The following DLK2 variants were observed in gnomAD, a reference collection of about 807,000 sequenced individuals.
DLK2 encodes delta like non-canonical Notch ligand 2.
DLK2 carries 9 observed loss-of-function variants against 31.3 expected under a neutral mutation model. The ratio of observed to expected loss-of-function variants is 0.29; its 90% CI spans 0.17 to 0.50. The LOEUF (loss-of-function observed/expected upper bound fraction) is 0.50, where lower values mean the gene tolerates loss of function less well. DLK2 is among the 20% of genes least tolerant of loss of function. The pLI is 0.98. For missense variants in DLK2, 387 were observed against 526.1 expected, an observed-to-expected ratio of 0.74 and a Z score of 2.59; for synonymous variants, 169 against 201.2, an observed-to-expected ratio of 0.84 and a Z score of 1.35.
At chr6:43,452,888 A>G in intron 4 of DLK2, 117 bp downstream of exon 4, 1 of 1,434,540 alleles carries the variant, frequency 7.0e-7, no homozygotes, top group South Asian at 1.3e-5. Context: ...AAAAAATGAT[A>G]AAATACCATG....
rs1216103416 is a variant in DLK2 at position 43,455,189 on chromosome 6, G to C, written c.-56+206C>G. 8.0e-6 allele frequency: 6 copies of C among 746,158 alleles called. No homozygotes were observed. In the African/African-American group the frequency reaches 9.5e-5, roughly 12 times the overall value. The allele number at this position is 746,158 out of a possible 1,614,324, so 46.2% of individuals were successfully genotyped here. ...GTCCGCGGGATGGGGACAGCGCCGA[G>C]AGGCGGCCTCGAGCACGGAGGGGAC... On this transcript the variant is annotated intron_variant, in intron 1 of 5. Transcript: ENST00000372488.
In DLK2 at chr6:43,450,853, G is replaced by T. The variant is rs201087688; in HGVS notation, c.838C>A (p.His280Asn). 2.2e-4 allele frequency: 349 copies of T among 1,614,142 alleles called. 1 individual carries two copies. The East Asian group carries it at 6.5e-3, about 30-fold the overall frequency. ...CGCAGCAGACCAGCCCCTGCGCTGTGGGGGGCTGGCCCCGTGGCAGGTACC... is the reference window on the plus strand; with the variant it reads ...CGCAGCAGACCAGCCCCTGCGCTGTTGGGGGCTGGCCCCGTGGCAGGTACC... ...VVVPATGPAP[H>N]SAGAGLLRIS... The change falls in exon 6 of 6, where the codon CAC becomes AAC. Residue 280 changes from histidine to asparagine, a missense_variant. Physicochemically the swap from His to Asn is moderately conservative, Grantham distance 68. Transcript: ENST00000372488. The surrounding 1 kb of genome is among the most constrained non-coding windows in gnomAD (Gnocchi z 4.5).
rs1194880482 is a variant in DLK2 at position 43,451,482 on chromosome 6, C to T, written c.417-208G>A. On this transcript the variant is annotated intron_variant, in intron 5 of 5. Transcript: ENST00000372488. This position sits in a 1 kb window ranked among gnomAD's most constrained non-coding sequence, Gnocchi z 4.4. The stretch of plus-strand genomic sequence containing the variant: ...GAAATAATCAATGTCAAGCCATTAG[C>T]ACAGGGCCCAGCCAGAAGGCAGGGC... Among the ~76,000 whole-genome samples, 2 of 152,198 alleles carry T rather than the reference C, an allele frequency of 1.3e-5. No homozygotes were observed. The highest frequency in any genetic ancestry group is 2.9e-5 in the Non-Finnish European group (2 of 68,036).
chr6:43,453,042 G>A lies in DLK2; in HGVS notation c.234C>T (p.Ile78=), dbSNP rs1783834542. ...HGTCHQPWQC[I]CHSGWAGKFC... ...ACTTGCCTGCCCAGCCACTGTGGCA[G>A]ATGCACTGCCATGGCTGGTGGCAGG... The change falls in exon 4 of 6, where the codon ATC becomes ATT. Residue 78 remains isoleucine, a synonymous_variant. Transcript: ENST00000372488. This position sits in a 1 kb window ranked among gnomAD's most constrained non-coding sequence, Gnocchi z 4.1. 1 of 1,614,170 alleles carries A rather than the reference G, an allele frequency of 6.2e-7. No individual in the cohort carries two copies. The highest frequency in any genetic ancestry group is 1.3e-5 in the African/African-American group (1 of 75,052).
rs1160418858 is a variant in DLK2, at chr6:43,453,988, C to A, written c.140+423G>T. On this transcript the variant is annotated intron_variant, in intron 3 of 5. Coordinates refer to ENST00000372488, the MANE Select transcript of DLK2 (RefSeq NM_023932.4). The surrounding 1 kb of genome is among the most constrained non-coding windows in gnomAD (Gnocchi z 4.1). ...CCTCCTGCTACAGAATTTGCCCAATCTCCCAGTGAGTCAACTACTCAAACT... is the reference window on the plus strand; with the variant it reads ...CCTCCTGCTACAGAATTTGCCCAATATCCCAGTGAGTCAACTACTCAAACT... 1.3e-5 allele frequency among the ~76,000 whole-genome samples: 2 copies of A among 152,206 alleles called. No homozygotes were observed. Among genetic ancestry groups the A allele is most frequent in the African/African-American group, 4.8e-5 (2 of 41,450 alleles).
rs759038848 is a variant in DLK2 at position 43,454,491 on chromosome 6, T to C, written c.77-17A>G. The stretch of plus-strand genomic sequence containing the variant: ...AGTCATCGGCTGCAAGAGATTGATG[T>C]GGGAGGGGTGAGTCTGAGTCAGGGC... On this transcript the variant is annotated splice_polypyrimidine_tract_variant and intron_variant, in intron 2 of 5. Transcript: ENST00000372488. 1 of 1,581,262 alleles carries C rather than the reference T, an allele frequency of 6.3e-7. No individual in the cohort carries two copies. Among genetic ancestry groups the C allele is most frequent in the Non-Finnish European group, 8.6e-7 (1 of 1,164,740 alleles).
chr6:43,453,067 G>T lies in DLK2; in HGVS notation c.209C>A (p.Thr70Asn). 1 of 1,614,096 alleles carries T rather than the reference G, an allele frequency of 6.2e-7. No homozygotes were observed. Among genetic ancestry groups the T allele is most frequent in the East Asian group, 2.2e-5 (1 of 44,860 alleles). Residue 70 changes from threonine (T) to asparagine (N), a missense_variant, in exon 4 of 6, where the codon ACC becomes AAC. Coordinates refer to ENST00000372488, the MANE Select transcript of DLK2 (RefSeq NM_023932.4). This position sits in a 1 kb window ranked among gnomAD's most constrained non-coding sequence, Gnocchi z 4.1. ...GATGCACTGCCATGGCTGGTGGCAG[G>T]TACCGTGCTGGCAGCCAGGCATCCT... ...CVRMPGCQHG[T>N]CHQPWQCICH...
Position 43,451,821 on chromosome 6 carries a change from G to A in DLK2, c.416+119C>T. On this transcript the variant is annotated intron_variant, in intron 5 of 5. Transcript: ENST00000372488. This position sits in a 1 kb window ranked among gnomAD's most constrained non-coding sequence, Gnocchi z 4.4. ...TTTGGCATGCAGGGGTTTTATCTGA[G>A]TGTCCCCGTGTGGGTCTGACTCTCA... The A allele has an allele frequency of 6.9e-7, 1 of 1,456,016 alleles. No homozygotes were observed. The highest frequency in any genetic ancestry group is 1.4e-5 in the African/African-American group (1 of 70,670). 90.2% of individuals were successfully genotyped at this position (1,456,016 alleles called of 1,614,324 possible).
chr6:43,454,488 A>G lies in DLK2; in HGVS notation c.77-14T>C. Reference sequence around the variant, plus strand: ...TGCAGTCATCGGCTGCAAGAGATTGATGTGGGAGGGGTGAGTCTGAGTCAG... The same window carrying G: ...TGCAGTCATCGGCTGCAAGAGATTGGTGTGGGAGGGGTGAGTCTGAGTCAG... On this transcript the variant is annotated splice_polypyrimidine_tract_variant and intron_variant, in intron 2 of 5. Transcript: ENST00000372488. 1.3e-6 allele frequency: 2 copies of G among 1,584,294 alleles called. No individual in the cohort carries two copies. Among genetic ancestry groups the G allele is most frequent in the Non-Finnish European group, 1.7e-6 (2 of 1,166,484 alleles).
rs2275667 is a variant in DLK2, at chr6:43,451,896, G to A, written c.416+44C>T. On this transcript the variant is annotated intron_variant, in intron 5 of 5. Transcript: ENST00000372488. This position sits in a 1 kb window ranked among gnomAD's most constrained non-coding sequence, Gnocchi z 4.4. ...GCCTCTTTTCTCATCCCATCACCAG[G>A]TTCTGGTCTAACCTTCCACTCACCC... The A allele has an allele frequency of 2.2e-4, 358 of 1,610,458 alleles. 2 individuals are homozygous for A. The East Asian group carries it at 6.4e-3, about 29-fold the overall frequency.
At chr6:43,455,639 T>TCCCCC (rs1318987135), upstream of DLK2, 28 of 47,944 alleles carry the variant, frequency 5.8e-4, no homozygotes, top group East Asian at 1.3e-3. Context: ...CCCACCCCCA[T>TCCCCC]CCCCCCCCCC....
In DLK2 at chr6:43,451,316, ACACCTGTAGGGCAGCC is replaced by A; in HGVS notation, c.417-58_417-43del. 6.3e-7 allele frequency: 1 copy of A among 1,591,898 alleles called. No individual in the cohort carries two copies. ...AGAGGACATGATAACCAACTTACCAACACCTGTAGGGCAGCCCAGGTCAGTATCCTGACCACTGCCC... is the reference window on the plus strand; with the variant it reads ...AGAGGACATGATAACCAACTTACCAACAGGTCAGTATCCTGACCACTGCCC... On this transcript the variant is annotated intron_variant, in intron 5 of 5. Transcript: ENST00000372488. The surrounding 1 kb of genome is among the most constrained non-coding windows in gnomAD (Gnocchi z 4.4).
At position 43,451,365 on chromosome 6, in the gene DLK2, C is replaced by T; in HGVS notation, c.417-91G>A. On this transcript the variant is annotated intron_variant, in intron 5 of 5. Coordinates refer to ENST00000372488, the MANE Select transcript of DLK2 (RefSeq NM_023932.4). The surrounding 1 kb of genome is among the most constrained non-coding windows in gnomAD (Gnocchi z 4.4). ...GTATCCTGACCACTGCCCGCCATGTCATCTTGGGCTACACACTCCGAGCCT... is the reference window on the plus strand; with the variant it reads ...GTATCCTGACCACTGCCCGCCATGTTATCTTGGGCTACACACTCCGAGCCT... The T allele has an allele frequency of 1.4e-6, 2 of 1,480,722 alleles. No homozygotes were observed. The highest frequency in any genetic ancestry group is 1.8e-6 in the Non-Finnish European group (2 of 1,102,444). 91.7% of individuals were successfully genotyped at this position (1,480,722 alleles called of 1,614,324 possible).
Position 43,453,250 on chromosome 6 carries a change from C to T in DLK2, c.141-115G>A. ...ACATATGACAGCCCCTAAGGGAAAG[C>T]AGACCTGTCCCAGGTAGGTGTAGGA... On this transcript the variant is annotated intron_variant, in intron 3 of 5. Coordinates refer to ENST00000372488, the MANE Select transcript of DLK2 (RefSeq NM_023932.4). This position sits in a 1 kb window ranked among gnomAD's most constrained non-coding sequence, Gnocchi z 4.1. The T allele has an allele frequency of 7.4e-7, 1 of 1,359,636 alleles. No individual in the cohort carries two copies. The highest frequency in any genetic ancestry group is 2.5e-5 in the East Asian group (1 of 39,426). The allele number at this position is 1,359,636 out of a possible 1,614,324, so 84.2% of individuals were successfully genotyped here.
chr6:43,455,649 C>G (rs1275627874), upstream of DLK2: 2 of 145,334 alleles, frequency 1.4e-5, no homozygotes, highest in Admixed American at 1.4e-4. Context: ...TCCCCCCCCC[C>G]GCGACGCACG....
At position 43,454,735 on chromosome 6, in the gene DLK2, A is replaced by C. The variant is rs756349544; in HGVS notation, c.76+15T>G. On this transcript the variant is annotated intron_variant, in intron 2 of 5. Transcript: ENST00000372488. ...CTGGACAGGGCCGCGACTGGAGCCC[A>C]GCGGGCGCGCTCACCTCGGACAGGC... The C allele has an allele frequency of 3.0e-5, 46 of 1,544,990 alleles. No individual in the cohort carries two copies. The African/African-American group carries it at 6.1e-4, about 20-fold the overall frequency.
At chr6:43,452,443 C>T (rs1457673015) in intron 4 of DLK2, among the ~76,000 whole-genome samples, 4 of 152,170 alleles carry the variant, frequency 2.6e-5, no homozygotes, top group African/African-American at 9.7e-5. Flanking sequence ...TAGGCCGGTA[C>T]AGTGGCTCAT....
intron 4 of DLK2, among the ~76,000 whole-genome samples, chr6:43,452,580 C>T (rs968367701): frequency 1.2e-4 from 18 of 152,022 alleles, no homozygotes; most frequent in Admixed American, 7.2e-4. Context: ...GCTGAAGTGG[C>T]GGGTGCCTGT....
At chr6:43,455,219 G>A (rs942462050) in intron 1 of DLK2, 176 bp downstream of exon 1, 2 of 402,384 alleles carry the variant, frequency 5.0e-6, no homozygotes, top group African/African-American at 2.2e-5. Flanking sequence ...GGGGACGCGG[G>A]GGCCGGAGGG....
Sources: gnomAD v4.1 joint callset for allele counts (sites outside exome capture counted in the v4.1 genomes callset) on GRCh38, gnomAD v4.1.1 for gene constraint, Gnocchi (gnomAD v3.1) non-coding constraint, MANE v1.5 for transcripts, NCBI Gene and HGNC (gene_info 2026-07-23, HGNC 2026-07-21) for gene names.